The following PHKB variants were observed in gnomAD, a reference collection of about 807,000 sequenced individuals.
PHKB encodes the protein phosphorylase kinase regulatory subunit beta, also known as phosphorylase b kinase regulatory subunit beta.
In PHKB, 122 loss-of-function variants were observed where a neutral mutation model predicts 152.1. The observed-to-expected ratio is 0.80, with a 90% confidence interval of 0.69 to 0.93. The LOEUF is 0.93. Among genes scored for constraint, PHKB ranks in the 40% least tolerant of loss-of-function variants. The probability of loss-of-function intolerance (pLI) is 0.00; values close to 1 mark genes in which losing one functional copy is unlikely to be tolerated. For synonymous variants in PHKB, 436 were observed against 464.9 expected (o/e 0.94, Z 0.80); for missense variants, 1,304 against 1,328.4 (o/e 0.98, Z 0.29).
intron 7 of PHKB, among the ~76,000 whole-genome samples, chr16:47,573,974 C>T (rs1206113952): frequency 1.3e-5 from 2 of 152,138 alleles, no homozygotes; most frequent in Non-Finnish European, 2.9e-5. Context: ...AGCTGGATTG[C>T]AGTGGTGCGA....
rs777344732 is a variant in PHKB at position 47,596,494 on chromosome 16, T to C, written c.1326T>C (p.Leu442=). The stretch of plus-strand genomic sequence containing the variant: ...GTGGCCGTGATGGAAAACTGTTTCT[T>C]TGGGGACAAGCACTTTATATCATCG... ...SNCGRDGKLF[L]WGQALYIIAK... is the part of the protein sequence containing the mutation. Residue 442 remains leucine, a synonymous_variant, in exon 13 of 31, where the codon CTT becomes CTC. Transcript: ENST00000323584. 23 of 1,613,854 alleles carry C rather than the reference T, an allele frequency of 1.4e-5. No homozygotes were observed. Among genetic ancestry groups the C allele is most frequent in the Non-Finnish European group, 1.9e-5 (23 of 1,179,878 alleles).
chr16:47,539,814 C>T (rs1045745308), intron 6 of PHKB, among the ~76,000 whole-genome samples: 1 of 152,110 alleles, frequency 6.6e-6, no homozygotes, highest in African/African-American at 2.4e-5. Flanking sequence ...ATCCTGTTGT[C>T]TTTGTAAGCT....
intron 7 of PHKB, among the ~76,000 whole-genome samples, chr16:47,551,255 G>A (rs375299257): frequency 6.6e-6 from 1 of 152,000 alleles, no homozygotes; most frequent in African/African-American, 2.4e-5. Flanking sequence ...TCTTCTGCTA[G>A]CTTTTGAATT....
chr16:47,634,499 T>A (rs955457118), intron 14 of PHKB, among the ~76,000 whole-genome samples: 3 of 146,386 alleles, frequency 2.0e-5, no homozygotes, highest in Non-Finnish European at 4.7e-5. Flanking sequence ...ATAAATGATA[T>A]AATTTCTGTA....
intron 26 of PHKB, among the ~76,000 whole-genome samples, chr16:47,682,438 A>G (rs552035738): frequency 5.1e-4 from 78 of 152,120 alleles, no homozygotes; most frequent in African/African-American, 1.9e-3. Context: ...ATAGTCCCAT[A>G]TTTCTTGGAG....
intron 13 of PHKB, among the ~76,000 whole-genome samples, chr16:47,602,660 C>T (rs936613134): frequency 3.3e-5 from 5 of 151,434 alleles, no homozygotes; most frequent in Non-Finnish European, 7.4e-5. Flanking sequence ...GTAAAATCTG[C>T]CACTTACTAC....
intron 6 of PHKB, among the ~76,000 whole-genome samples, chr16:47,517,232 A>G (rs1254362306): frequency 6.6e-6 from 1 of 151,896 alleles, no homozygotes; most frequent in Non-Finnish European, 1.5e-5. Flanking sequence ...TATTGCTTAC[A>G]AGTGGCTTTG....
intron 5 of PHKB, among the ~76,000 whole-genome samples, chr16:47,514,271 A>T (rs1597046109): frequency 2.0e-5 from 3 of 152,180 alleles, no homozygotes; most frequent in African/African-American, 7.2e-5. Flanking sequence ...ACAATTATGG[A>T]GGCTGAGAAG....
In PHKB at chr16:47,641,619, C is replaced by T. The variant is rs1330299538; in HGVS notation, c.1535C>T (p.Thr512Ile). 1.9e-6 allele frequency: 3 copies of T among 1,592,718 alleles called. No homozygotes were observed. The highest frequency in any genetic ancestry group is 1.1e-5 in the South Asian group (1 of 90,622). ...ESQRLQVFLN[T>I]YGIQTQTPQQ... The stretch of plus-strand genomic sequence containing the variant: ...TTTAGACTTCAAGTTTTTCTGAACA[C>T]ATATGGTATTCAAACTCAAACTCCT... Residue 512 changes from threonine to isoleucine, a missense_variant, in exon 16 of 31, where the codon ACA (threonine) becomes ATA (isoleucine). By Grantham distance (89) the Thr-to-Ile change is moderately conservative. Transcript: ENST00000323584.
In PHKB at chr16:47,461,573, G is replaced by A. The variant is rs1255253394; in HGVS notation, c.76+147G>A. On this transcript the variant is annotated intron_variant, in intron 1 of 30. Coordinates refer to ENST00000323584, the MANE Select transcript of PHKB (RefSeq NM_000293.3). Reference sequence around the variant, plus strand: ...GAAAGCAGGTGGCGGCCCTGGCCTTGTTTCTAATATCTTCCTCCACCTCTA... The same window carrying A: ...GAAAGCAGGTGGCGGCCCTGGCCTTATTTCTAATATCTTCCTCCACCTCTA... 2.9e-5 allele frequency: 23 copies of A among 794,212 alleles called. 1 individual carries two copies. In the South Asian group the frequency reaches 3.4e-4, roughly 12 times the overall value. The allele number at this position is 794,212 out of a possible 1,614,324, so 49.2% of individuals were successfully genotyped here.
Position 47,620,743 on chromosome 16 carries a change from G to A in PHKB, c.1458+9823G>A, listed in dbSNP as rs149438457. ...ACAAAAATTAGCCAGGTGTGGTGGC[G>A]TGTACTTGTAGTCCCAGCTACTCGG... On this transcript the variant is annotated intron_variant, in intron 14 of 30. Transcript: ENST00000323584. 7.5e-3 allele frequency among the ~76,000 whole-genome samples: 1,140 copies of A among 152,188 alleles called. 18 individuals are homozygous for A. The highest frequency in any genetic ancestry group is 0.026 in the African/African-American group (1,078 of 41,536).
chr16:47,467,734 T>G (rs1279775219), intron 1 of PHKB, among the ~76,000 whole-genome samples: 1 of 152,220 alleles, frequency 6.6e-6, no homozygotes, highest in East Asian at 1.9e-4. Context: ...ATTTCATAAG[T>G]GAAGTGGTTT....
chr16:47,559,946 A>G lies in PHKB; in HGVS notation c.710+12398A>G, dbSNP rs1416684846. On this transcript the variant is annotated intron_variant, in intron 7 of 30. Transcript: ENST00000323584. ...CTCCAAAAAAAACTTTGGACCTGCAAAGAGCCTGCTGCCATTAGTGTGCTA... is the reference window on the plus strand; with the variant it reads ...CTCCAAAAAAAACTTTGGACCTGCAGAGAGCCTGCTGCCATTAGTGTGCTA... Among the ~76,000 whole-genome samples the G allele has an allele frequency of 2.0e-5, 3 of 152,182 alleles. No homozygotes were observed. The East Asian group carries it at 5.8e-4, about 29-fold the overall frequency.
At chr16:47,590,943 T>C (rs1444123626) in intron 10 of PHKB, 1 of 152,228 alleles carries the variant, frequency 6.6e-6, no homozygotes, top group African/African-American at 2.4e-5. Context: ...TTCTGCATGG[T>C]CTCCTCCACT....
At chr16:47,495,675 G>A (rs1440118653) in intron 1 of PHKB, among the ~76,000 whole-genome samples, 1 of 152,080 alleles carries the variant, frequency 6.6e-6, no homozygotes, top group Non-Finnish European at 1.5e-5. Flanking sequence ...CTCTAGCAGT[G>A]GCATATTACT....
At chr16:47,518,136 G>A (rs1446426334) in intron 6 of PHKB, among the ~76,000 whole-genome samples, 1 of 152,088 alleles carries the variant, frequency 6.6e-6, no homozygotes, top group African/African-American at 2.4e-5. Flanking sequence ...CACATTTTAA[G>A]ACAATCTAAG....
At chr16:47,534,371 T>C (rs772396287) in intron 6 of PHKB, among the ~76,000 whole-genome samples, 2 of 152,240 alleles carry the variant, frequency 1.3e-5, no homozygotes, top group African/African-American at 4.8e-5. Flanking sequence ...GTTACTTCAA[T>C]GTATGTATAG....
chr16:47,559,986 A>G (rs1217272664), intron 7 of PHKB, among the ~76,000 whole-genome samples: 1 of 152,196 alleles, frequency 6.6e-6, no homozygotes, highest in African/African-American at 2.4e-5. Context: ...TACCATATGA[A>G]TTGTCATGAA....
chr16:47,649,045 C>CCTT, intron 17 of PHKB, 55 bp from the exon 18 acceptor site: 1 of 934,402 alleles, frequency 1.1e-6, no homozygotes, highest in South Asian at 1.3e-5. Context: ...CAGCACTGCA[C>CCTT]CTTTGCCTTT....
Sources: gnomAD v4.1 joint callset for allele counts (sites outside exome capture counted in the v4.1 genomes callset) on GRCh38, gnomAD v4.1.1 for gene constraint, MANE v1.5 for transcripts, NCBI Gene and HGNC (gene_info 2026-07-23, HGNC 2026-07-21) for gene names.